ANO1: variants seen among roughly 807,000 people sequenced by gnomAD.
ANO1 encodes the protein anoctamin-1.
A neutral mutation model predicts 124.0 loss-of-function variants in ANO1; 59 were observed. The observed-to-expected ratio is 0.48, with a 90% confidence interval of 0.39 to 0.59. The LOEUF is 0.59. ANO1 is among the 20% of genes least tolerant of loss of function. The probability of loss-of-function intolerance (pLI) is 0.00; values close to 1 mark genes in which losing one functional copy is unlikely to be tolerated. For synonymous variants in ANO1, 529 were observed against 532.0 expected (o/e 0.99, Z 0.08); for missense variants, 1,059 against 1,328.0 (o/e 0.80, Z 3.15).
chr11:70,124,537 C>A, intron 9 of ANO1, 123 bp downstream of exon 9: 1 of 978,242 alleles, frequency 1.0e-6, no homozygotes, highest in Non-Finnish European at 1.6e-6. Flanking sequence ...ACTCAAAGAG[C>A]TTGTGTAGGA....
At chr11:69,985,158 G>T (rs981476125), upstream of ANO1, among the ~76,000 whole-genome samples, 70 of 152,334 alleles carry the variant, frequency 4.6e-4, no homozygotes, top group African/African-American at 1.6e-3. Context: ...AGGAAGGGTC[G>T]GGGACAGGCT....
At chr11:70,143,914 G>A (rs529155467) in intron 11 of ANO1, among the ~76,000 whole-genome samples, 3 of 152,154 alleles carry the variant, frequency 2.0e-5, no homozygotes, top group African/African-American at 7.2e-5. Flanking sequence ...ATGCATCCAC[G>A]CCTCTGTCTA....
At chr11:70,183,869 G>A (rs2049015444) in intron 24 of ANO1, among the ~76,000 whole-genome samples, 1 of 152,234 alleles carries the variant, frequency 6.6e-6, no homozygotes, top group African/African-American at 2.4e-5. Context: ...CCCTGGGGTG[G>A]GGTCTGGCAC....
Position 69,993,259 on chromosome 11 carries a change from G to C in ANO1, c.58+7093G>C, listed in dbSNP as rs149913737. On this transcript the variant is annotated intron_variant, in intron 1 of 27. Transcript: ENST00000531349. ...ATTCTTTCCCTTTTACACTTAATCAGAATTATTTCTGCCCACATATGGCCT... is the reference window on the plus strand; with the variant it reads ...ATTCTTTCCCTTTTACACTTAATCACAATTATTTCTGCCCACATATGGCCT... 9.5e-3 allele frequency among the ~76,000 whole-genome samples: 1,447 copies of C among 152,270 alleles called. 19 individuals are homozygous for C. The highest frequency in any genetic ancestry group is 0.024 in the Middle Eastern group (7 of 294).
At chr11:70,064,305 G>A (rs1285150175) in intron 1 of ANO1, 1 of 152,226 alleles carries the variant, frequency 6.6e-6, no homozygotes, top group East Asian at 1.9e-4. Context: ...CTCCTGGTGG[G>A]GGTTCTCTGA....
intron 1 of ANO1, among the ~76,000 whole-genome samples, chr11:70,007,761 G>T (rs1856521684): frequency 6.6e-6 from 1 of 152,052 alleles, no homozygotes; most frequent in African/African-American, 2.4e-5. Context: ...AATTCCTTTG[G>T]GGAGACACCC....
At chr11:70,062,067 C>CTTTT (rs1175846749) in intron 1 of ANO1, among the ~76,000 whole-genome samples, 29 of 62,258 alleles carry the variant, frequency 4.7e-4, no homozygotes, top group East Asian at 6.0e-4. Flanking sequence ...TTCCTTCTTT[C>CTTTT]TTTTTTTTTT....
intron 18 of ANO1, among the ~76,000 whole-genome samples, chr11:70,162,113 G>A (rs568077705): frequency 1.4e-5 from 2 of 148,120 alleles, no homozygotes; most frequent in South Asian, 2.2e-4. Context: ...GAGGGCCCCG[G>A]GCAGTGAGGA....
rs7947195 is a variant in ANO1 at position 70,145,942 on chromosome 11, A to G, written c.1259-3768A>G. On this transcript the variant is annotated intron_variant, in intron 11 of 25. Coordinates refer to ENST00000355303, the MANE Select transcript of ANO1 (RefSeq NM_018043.7). Reference sequence around the variant, plus strand: ...ACGGAGAGAGACTCCTTCTCAAAAAACAAAAAAAAAAAAAAAAAAAAAAGA... The same window carrying G: ...ACGGAGAGAGACTCCTTCTCAAAAAGCAAAAAAAAAAAAAAAAAAAAAAGA... Among the ~76,000 whole-genome samples, 382 of 111,728 alleles carry G rather than the reference A, an allele frequency of 3.4e-3. 1 individual carries two copies. The highest frequency in any genetic ancestry group is 4.6e-3 in the Non-Finnish European group (232 of 50,808). The allele number at this position is 111,728 out of a possible 152,430, so 73.3% of individuals were successfully genotyped here.
chr11:70,010,719 C>T (rs1269656162), intron 1 of ANO1, among the ~76,000 whole-genome samples: 1 of 152,058 alleles, frequency 6.6e-6, no homozygotes, highest in African/African-American at 2.4e-5. Context: ...CACTCAAAGC[C>T]CCCGCTCCCA....
intron 13 of ANO1, 106 bp downstream of exon 13, chr11:70,152,567 C>T (rs2047648362): frequency 2.2e-6 from 3 of 1,333,864 alleles, no homozygotes; most frequent in South Asian, 1.2e-5. Flanking sequence ...CCCGCAGTTC[C>T]TCCACGCGGG....
chr11:70,033,681 A>T (rs1309175051), intron 1 of ANO1, among the ~76,000 whole-genome samples: 1 of 152,062 alleles, frequency 6.6e-6, no homozygotes, highest in East Asian at 2.0e-4. Context: ...AGGAACTCAC[A>T]GATGTATAGA....
intron 22 of ANO1, among the ~76,000 whole-genome samples, chr11:70,174,731 C>G (rs1482899525): frequency 6.6e-6 from 1 of 152,116 alleles, no homozygotes; most frequent in African/African-American, 2.4e-5. Context: ...AAGCCCTGGG[C>G]CTCCTGCATG....
intron 8 of ANO1, among the ~76,000 whole-genome samples, chr11:70,123,157 G>A (rs1390576960): frequency 6.6e-6 from 1 of 152,186 alleles, no homozygotes; most frequent in Non-Finnish European, 1.5e-5. Flanking sequence ...TCGATTCGGG[G>A]GTGGGGGAAC....
chr11:70,104,193 G>T (rs755592057), intron 4 of ANO1, 43 bp downstream of exon 4: 1 of 1,572,512 alleles, frequency 6.4e-7, no homozygotes, highest in Non-Finnish European at 8.6e-7. Context: ...GGTCCTGTGT[G>T]TGGGGATTTA....
intron 16 of ANO1, among the ~76,000 whole-genome samples, chr11:70,160,621 G>A (rs940965388): frequency 3.9e-5 from 6 of 152,190 alleles, no homozygotes; most frequent in Non-Finnish European, 5.9e-5. Flanking sequence ...GGCCACACCT[G>A]CCTCCTTTAC....
Position 70,105,737 on chromosome 11 carries a change from T to C in ANO1, c.696T>C (p.Phe232=). ...YPFSREKQHL[F]DLSDKDSFFD... is the part of the protein sequence containing the mutation. Reference sequence around the variant, plus strand: ...TTCCTTCCCGATATTTCCACAGATTTGACTTGTCTGATAAGGATTCCTTTT... The same window carrying C: ...TTCCTTCCCGATATTTCCACAGATTCGACTTGTCTGATAAGGATTCCTTTT... The change falls in exon 5 of 26, where the codon TTT becomes TTC. Residue 232 remains phenylalanine, a synonymous_variant. Transcript: ENST00000355303. 1.2e-6 allele frequency: 2 copies of C among 1,613,646 alleles called. No homozygotes were observed. Among genetic ancestry groups the C allele is most frequent in the South Asian group, 2.2e-5 (2 of 91,074 alleles).
the ANO1 span, among the ~76,000 whole-genome samples, chr11:69,968,369 T>C: frequency 6.6e-6 from 1 of 152,190 alleles, no homozygotes; most frequent in African/African-American, 2.4e-5. Context: ...TGGCCTCCTT[T>C]GGAAGCAAGT....
At chr11:70,066,632 G>A (rs908830672) in intron 1 of ANO1, among the ~76,000 whole-genome samples, 2 of 152,144 alleles carry the variant, frequency 1.3e-5, no homozygotes, top group African/African-American at 4.8e-5. Flanking sequence ...TTGGTGGCGG[G>A]GGCGGGGTGG....
Sources: allele counts gnomAD v4.1 joint callset (sites outside exome capture counted in the v4.1 genomes callset), GRCh38; gene constraint gnomAD v4.1.1; transcripts MANE v1.5; gene names NCBI Gene and HGNC (gene_info 2026-07-23, HGNC 2026-07-21).